Variants in GPHN observed in about 807,000 individuals in gnomAD.
The protein encoded by GPHN is gephyrin.
Under a neutral mutation model 95.5 loss-of-function variants are expected in GPHN, and 17 were observed. The observed-to-expected ratio is 0.18, with a 90% CI of 0.12 to 0.27. The LOEUF is 0.27. Among genes scored for constraint, GPHN ranks in the 10% least tolerant of loss-of-function variants. GPHN has a pLI of 1.00. For synonymous variants in GPHN, 320 were observed against 322.5 expected (o/e 0.99, Z 0.08); for missense variants, 660 against 978.1 (o/e 0.67, Z 4.34).
chr14:67,138,217 C>G (rs1567389250), intron 17 of GPHN, among the ~76,000 whole-genome samples: 1 of 152,166 alleles, frequency 6.6e-6, no homozygotes, highest in Non-Finnish European at 1.5e-5. Flanking sequence ...TACTGCCTTC[C>G]TCACAGAGTT....
the GPHN span, among the ~76,000 whole-genome samples, chr14:67,315,466 TGGGGTTTC>T: frequency 6.6e-6 from 1 of 151,942 alleles, no homozygotes; most frequent in East Asian, 1.9e-4. Context: ...TTAGTAGAGA[TGGGGTTTC>T]ACCGTGTTAG....
intron 5 of GPHN, among the ~76,000 whole-genome samples, chr14:66,897,941 T>G (rs2064940406): frequency 6.6e-6 from 1 of 152,096 alleles, no homozygotes; most frequent in African/African-American, 2.4e-5. Context: ...TTGTCACTAT[T>G]TTTATTTTAG....
chr14:67,541,093 T>C, the GPHN span, among the ~76,000 whole-genome samples: 4 of 152,236 alleles, frequency 2.6e-5, no homozygotes, highest in African/African-American at 9.6e-5. Flanking sequence ...TGAGAATCTA[T>C]TCCAAAGTGG....
chr14:66,769,269 A>T (rs2059075834), intron 2 of GPHN, among the ~76,000 whole-genome samples: 2 of 152,104 alleles, frequency 1.3e-5, no homozygotes, highest in Admixed American at 6.6e-5. Flanking sequence ...TATAGTTTTA[A>T]AAAGTATTTT....
At chr14:67,052,516 T>C (rs2075351922) in intron 10 of GPHN, among the ~76,000 whole-genome samples, 1 of 152,132 alleles carries the variant, frequency 6.6e-6, no homozygotes, top group South Asian at 2.1e-4. Context: ...GCTTTAATAC[T>C]GCACTGTCAA....
At chr14:66,592,090 G>A (rs879510928) in intron 1 of GPHN, among the ~76,000 whole-genome samples, 1 of 152,146 alleles carries the variant, frequency 6.6e-6, no homozygotes, top group African/African-American at 2.4e-5. Context: ...TGGGAAAACT[G>A]GCTAGCCATA....
intron 10 of GPHN, among the ~76,000 whole-genome samples, chr14:67,044,791 TTC>T (rs1459945016): frequency 1.3e-5 from 2 of 151,336 alleles, no homozygotes; most frequent in Admixed American, 1.3e-4. Flanking sequence ...CTCTCTGTCT[TTC>T]TCTCTGTCTC....
At chr14:67,128,000 T>C (rs1595274175) in intron 17 of GPHN, among the ~76,000 whole-genome samples, 2 of 152,214 alleles carry the variant, frequency 1.3e-5, no homozygotes, top group East Asian at 3.8e-4. Flanking sequence ...TGTAGCAACA[T>C]ACTATTTCCA....
chr14:66,688,698 T>C (rs2067565044), intron 2 of GPHN, among the ~76,000 whole-genome samples: 1 of 152,202 alleles, frequency 6.6e-6, no homozygotes, highest in African/African-American at 2.4e-5. Flanking sequence ...ATTCTTTCTC[T>C]TGCCTAATTG....
At chr14:67,535,618 A>G in the GPHN span, among the ~76,000 whole-genome samples, 2 of 152,010 alleles carry the variant, frequency 1.3e-5, no homozygotes, top group Non-Finnish European at 2.9e-5. Context: ...GACCTCAGGT[A>G]AGCCGCCTGC....
chr14:67,364,544 C>T, the GPHN span: 2 of 447,214 alleles, frequency 4.5e-6, no homozygotes, highest in African/African-American at 2.0e-5. Context: ...CAGAGAATCA[C>T]CCAAGCATTA....
At chr14:67,019,824 A>G (rs924193783) in intron 9 of GPHN, among the ~76,000 whole-genome samples, 10 of 152,146 alleles carry the variant, frequency 6.6e-5, no homozygotes, top group Admixed American at 2.0e-4. Context: ...ATTGAAAGGG[A>G]ATCTTTTCCT....
intron 1 of GPHN, among the ~76,000 whole-genome samples, chr14:66,539,951 C>G (rs1039914566): frequency 1.3e-5 from 2 of 152,176 alleles, no homozygotes; most frequent in African/African-American, 2.4e-5. Flanking sequence ...GTTGTTGAAG[C>G]ATTAAAATAA....
chr14:67,263,120 A>G, the GPHN span, among the ~76,000 whole-genome samples: 1 of 152,124 alleles, frequency 6.6e-6, no homozygotes, highest in African/African-American at 2.4e-5. Context: ...AATATTTCCA[A>G]AGGCCTTCAA....
the GPHN span, chr14:67,656,325 T>C: frequency 4.2e-6 from 5 of 1,203,292 alleles, no homozygotes; most frequent in African/African-American, 3.0e-5. Flanking sequence ...AATACAGAAC[T>C]GCTGTAGCTT....
At chr14:67,223,570 T>A in the GPHN span, 1 of 265,558 alleles carries the variant, frequency 3.8e-6, no homozygotes, top group South Asian at 1.4e-4. Context: ...TAAGCAAAGA[T>A]ACAGCAAATG....
chr14:67,035,924 G>C (rs1460079757), intron 10 of GPHN, among the ~76,000 whole-genome samples: 1 of 151,508 alleles, frequency 6.6e-6, no homozygotes, highest in African/African-American at 2.4e-5. Flanking sequence ...ACATTACCCT[G>C]ATACGAATAG....
chr14:66,695,388 T>C (rs1360694066), intron 2 of GPHN, among the ~76,000 whole-genome samples: 2 of 152,202 alleles, frequency 1.3e-5, no homozygotes, highest in African/African-American at 4.8e-5. Flanking sequence ...TACCAAGTGC[T>C]GATGAGGATG....
At chr14:67,692,897 G>C in the GPHN span, 1 of 1,329,008 alleles carries the variant, frequency 7.5e-7, no homozygotes, top group Non-Finnish European at 1.1e-6. Context: ...GGGTAAAACA[G>C]CAGTAATAGG....
Sources: allele counts gnomAD v4.1 joint callset (sites outside exome capture counted in the v4.1 genomes callset), GRCh38; gene constraint gnomAD v4.1.1; transcripts MANE v1.5; gene names NCBI Gene and HGNC (gene_info 2026-07-23, HGNC 2026-07-21).